Variants in KALRN observed in about 807,000 individuals in gnomAD.
KALRN encodes kalirin RhoGEF kinase, also known as kalirin.
KALRN carries 70 observed loss-of-function variants against 353.7 expected under a neutral mutation model. The observed-to-expected ratio is 0.20, with a 90% CI of 0.16 to 0.24. The LOEUF (loss-of-function observed/expected upper bound fraction) is 0.24. Among genes scored for constraint, KALRN ranks in the 10% least tolerant of loss-of-function variants. The probability of loss-of-function intolerance (pLI) is 1.00; values close to 1 mark genes in which losing one functional copy is unlikely to be tolerated. For synonymous variants in KALRN, 1,391 were observed against 1,434.8 expected, an observed-to-expected ratio of 0.97 and a Z score of 0.69; for missense variants, 2,791 against 3,756.7, an observed-to-expected ratio of 0.74 and a Z score of 6.72.
At chr3:124,147,343 A>G (rs1310016866) in intron 1 of KALRN, among the ~76,000 whole-genome samples, 1 of 152,140 alleles carries the variant, frequency 6.6e-6, no homozygotes, top group Non-Finnish European at 1.5e-5. Flanking sequence ...GTGCTTATGG[A>G]AGATACTCTG....
At chr3:124,176,002 A>T (rs1046166771) in intron 1 of KALRN, among the ~76,000 whole-genome samples, 3 of 151,832 alleles carry the variant, frequency 2.0e-5, no homozygotes, top group Non-Finnish European at 4.4e-5. Context: ...GGGCTCTTTC[A>T]TCTTAGGTTT....
At chr3:124,669,318 C>T (rs1184388318) in intron 47 of KALRN, among the ~76,000 whole-genome samples, 1 of 152,110 alleles carries the variant, frequency 6.6e-6, no homozygotes, top group Non-Finnish European at 1.5e-5. Flanking sequence ...AAGAAAGAAA[C>T]AGGATCAGAC....
chr3:124,639,761 G>C (rs908133425), intron 37 of KALRN, among the ~76,000 whole-genome samples: 9 of 152,186 alleles, frequency 5.9e-5, no homozygotes, highest in Non-Finnish European at 1.2e-4. Flanking sequence ...CCATAATGAA[G>C]GATATAACTT....
intron 1 of KALRN, among the ~76,000 whole-genome samples, chr3:124,064,951 C>T (rs551073367): frequency 9.7e-4 from 148 of 152,288 alleles, no homozygotes; most frequent in African/African-American, 3.1e-3. Context: ...GCTTGCCCTC[C>T]GTTCCCCCTT....
At chr3:124,035,041 G>A (rs2039289242) in intron 1 of KALRN, among the ~76,000 whole-genome samples, 1 of 152,108 alleles carries the variant, frequency 6.6e-6, no homozygotes. Flanking sequence ...TGGCTCATAT[G>A]TTCATTCTCT....
intron 1 of KALRN, among the ~76,000 whole-genome samples, 192 bp from the exon 2 acceptor site, chr3:124,227,798 C>T (rs1204598698): frequency 6.7e-6 from 1 of 148,704 alleles, no homozygotes; most frequent in Non-Finnish European, 1.5e-5. Flanking sequence ...CCTGATCACC[C>T]CTATGGCTGG....
chr3:124,086,847 T>C (rs929816904), intron 1 of KALRN, among the ~76,000 whole-genome samples: 3 of 152,212 alleles, frequency 2.0e-5, no homozygotes, highest in Non-Finnish European at 4.4e-5. Flanking sequence ...TTTGTAAATA[T>C]AAGCAAATCA....
chr3:124,477,409 A>G, intron 27 of KALRN, 75 bp downstream of exon 27: 1 of 1,071,210 alleles, frequency 9.3e-7, no homozygotes. Flanking sequence ...TAATGGATGG[A>G]TATTTAGCTA....
intron 16 of KALRN, among the ~76,000 whole-genome samples, 157 bp downstream of exon 16, chr3:124,430,932 T>C (rs557028288): frequency 3.3e-5 from 5 of 152,308 alleles, no homozygotes; most frequent in East Asian, 3.9e-4. Flanking sequence ...CAAGAGTTGA[T>C]AGGGAAGCAA....
At chr3:124,563,121 C>A (rs766383660) in intron 34 of KALRN, 32 bp downstream of exon 34, 1 of 1,356,688 alleles carries the variant, frequency 7.4e-7, no homozygotes, top group South Asian at 1.2e-5. Flanking sequence ...GAGGCACAGA[C>A]CAAGGAGGCC....
At chr3:124,241,429 G>T (rs2080423760) in intron 3 of KALRN, among the ~76,000 whole-genome samples, 1 of 152,168 alleles carries the variant, frequency 6.6e-6, no homozygotes. Context: ...ATTATTAATA[G>T]ATTAATGCAG....
intron 1 of KALRN, among the ~76,000 whole-genome samples, chr3:124,204,489 G>C (rs1162548451): frequency 6.6e-6 from 1 of 152,216 alleles, no homozygotes; most frequent in African/African-American, 2.4e-5. Flanking sequence ...CTTACTGCCT[G>C]TAACCACTCC....
At chr3:124,448,180 T>C (rs2150698854) in intron 21 of KALRN, among the ~76,000 whole-genome samples, 1 of 152,334 alleles carries the variant, frequency 6.6e-6, no homozygotes, top group African/African-American at 2.4e-5. Context: ...CAGTCAATCT[T>C]ATTCATCCTA....
chr3:124,043,887 G>A (rs997837052), intron 1 of KALRN, among the ~76,000 whole-genome samples: 7 of 152,148 alleles, frequency 4.6e-5, no homozygotes, highest in African/African-American at 1.7e-4. Context: ...GGGGAAAGAA[G>A]TAAGTGAGGA....
intron 3 of KALRN, among the ~76,000 whole-genome samples, chr3:124,238,461 C>T (rs573558272): frequency 2.0e-4 from 31 of 152,290 alleles, no homozygotes; most frequent in Non-Finnish European, 3.7e-4. Flanking sequence ...AGAAAAAGTT[C>T]CTCTACTGGG....
chr3:124,718,152 C>T (rs1278803189), intron 59 of KALRN, among the ~76,000 whole-genome samples: 17 of 136,068 alleles, frequency 1.2e-4, no homozygotes, highest in South Asian at 4.7e-4. Context: ...GATGGAGTCT[C>T]GCTCTGTCAC....
At chr3:124,481,791 C>G (rs2062011429) in intron 27 of KALRN, among the ~76,000 whole-genome samples, 1 of 152,198 alleles carries the variant, frequency 6.6e-6, no homozygotes, top group African/African-American at 2.4e-5. Flanking sequence ...CCCACCTCAC[C>G]TCTTAGCCCC....
At chr3:124,414,164 G>C (rs540664722) in intron 14 of KALRN, among the ~76,000 whole-genome samples, 1 of 152,276 alleles carries the variant, frequency 6.6e-6, no homozygotes, top group East Asian at 1.9e-4. Flanking sequence ...CAGTTAGGCT[G>C]TGCTGAAGTT....
Position 124,121,951 on chromosome 3 carries a change from A to G in KALRN, c.73+88138A>G, listed in dbSNP as rs534218914. On this transcript the variant is annotated intron_variant, in intron 1 of 59. Coordinates refer to ENST00000682506, the MANE Select transcript of KALRN (RefSeq NM_001388419.1). ...TGGGCAATTAGTGGCTTCAGATGTC[A>G]CATAGCATTCTTCTCCTTTTGGTCT... Among the ~76,000 whole-genome samples the G allele has an allele frequency of 3.3e-5, 5 of 152,328 alleles. No homozygotes were observed. The South Asian group carries it at 1.0e-3, about 32-fold the overall frequency.
Sources: allele counts gnomAD v4.1 joint callset (sites outside exome capture counted in the v4.1 genomes callset), GRCh38; gene constraint gnomAD v4.1.1; transcripts MANE v1.5; gene names NCBI Gene and HGNC (gene_info 2026-07-23, HGNC 2026-07-21).